The following GABPB1 variants were observed in gnomAD, a reference collection of about 807,000 sequenced individuals.
GABPB1 encodes the protein GA binding protein transcription factor subunit beta 1.
In GABPB1, 15 loss-of-function variants were observed where a neutral mutation model predicts 45.9. That is an observed-to-expected ratio of 0.33 (90% CI 0.22 to 0.50). The LOEUF (loss-of-function observed/expected upper bound fraction) is 0.50. Among genes scored for constraint, GABPB1 ranks in the 20% least tolerant of loss-of-function variants. The pLI is 0.98. For synonymous variants in GABPB1, 143 were observed against 154.4 expected (o/e 0.93, Z 0.55); for missense variants, 252 against 457.5 (o/e 0.55, Z 4.10).
chr15:50,296,905 C>CTTTT (rs72486745), intron 6 of GABPB1, among the ~76,000 whole-genome samples: 22 of 91,376 alleles, frequency 2.4e-4, no homozygotes, highest in African/African-American at 3.4e-4. Context: ...TAACTTAATT[C>CTTTT]TTTTTTTTTT....
At chr15:50,285,890 C>T in intron 8 of GABPB1, 178 bp downstream of exon 8, 1 of 1,360,636 alleles carries the variant, frequency 7.3e-7, no homozygotes, top group Non-Finnish European at 9.4e-7. Context: ...TTCATTCATT[C>T]AATATTTATT....
At chr15:50,337,310 C>A (rs976513657) in intron 1 of GABPB1, among the ~76,000 whole-genome samples, 1 of 151,172 alleles carries the variant, frequency 6.6e-6, no homozygotes, top group African/African-American at 2.4e-5. Context: ...ATAAACAAGA[C>A]CACCTCCAAC....
chr15:50,328,220 C>T (rs1433115849), intron 1 of GABPB1, among the ~76,000 whole-genome samples: 1 of 151,542 alleles, frequency 6.6e-6, no homozygotes, highest in African/African-American at 2.4e-5. Flanking sequence ...GGTCATCTTG[C>T]TTCATCCTAT....
chr15:50,323,602 T>C (rs193187899), intron 1 of GABPB1, among the ~76,000 whole-genome samples: 4 of 152,268 alleles, frequency 2.6e-5, no homozygotes, highest in Admixed American at 2.6e-4. Context: ...CCAGGCACAG[T>C]TGCTTCCAGT....
chr15:50,353,055 C>A (rs1423576749), intron 1 of GABPB1: 2 of 152,178 alleles, frequency 1.3e-5, no homozygotes, highest in Admixed American at 6.5e-5. Flanking sequence ...CATGTTCTAT[C>A]TTTAAAGATA....
intron 3 of GABPB1, 100 bp downstream of exon 3, chr15:50,303,866 G>A: frequency 5.8e-6 from 5 of 865,710 alleles, no homozygotes; most frequent in Non-Finnish European, 8.8e-6. Context: ...AAATACTATA[G>A]ATAAAATACT....
At chr15:50,331,542 C>T (rs991207744) in intron 1 of GABPB1, among the ~76,000 whole-genome samples, 2 of 152,162 alleles carry the variant, frequency 1.3e-5, no homozygotes, top group South Asian at 4.1e-4. Context: ...TGGGCTGGAT[C>T]ACATAGAACC....
At chr15:50,322,121 T>C (rs996647186) in intron 1 of GABPB1, among the ~76,000 whole-genome samples, 19 of 152,200 alleles carry the variant, frequency 1.2e-4, no homozygotes, top group Non-Finnish European at 1.6e-4. Context: ...TAGAAAAATC[T>C]AGGCAGGAAG....
chr15:50,353,778 G>A (rs1001367221), intron 1 of GABPB1: 1 of 152,340 alleles, frequency 6.6e-6, no homozygotes, highest in African/African-American at 2.4e-5. Context: ...ATAAATGAGA[G>A]TGGATCTTTT....
intron 1 of GABPB1, among the ~76,000 whole-genome samples, chr15:50,340,771 T>A (rs969362769): frequency 6.6e-6 from 1 of 152,112 alleles, no homozygotes; most frequent in Admixed American, 6.5e-5. Context: ...ATGTTTCCTC[T>A]TCCGAAACTG....
At chr15:50,325,526 C>CTT in intron 1 of GABPB1, among the ~76,000 whole-genome samples, 1 of 148,908 alleles carries the variant, frequency 6.7e-6, no homozygotes, top group East Asian at 2.0e-4. Flanking sequence ...ACTGGTCAAA[C>CTT]TTTTTTTTTT....
At chr15:50,302,814 T>C (rs2046805584) in intron 4 of GABPB1, 115 bp downstream of exon 4, 6 of 701,274 alleles carry the variant, frequency 8.6e-6, no homozygotes, top group South Asian at 4.0e-5. Context: ...CCAAAATAAC[T>C]AAGTCCAAAA....
chr15:50,348,494 G>A (rs1006812806), intron 1 of GABPB1, among the ~76,000 whole-genome samples: 7 of 151,256 alleles, frequency 4.6e-5, no homozygotes, highest in East Asian at 2.0e-4. Flanking sequence ...CAAGTGATCC[G>A]CCCGCCTCGG....
intron 1 of GABPB1, chr15:50,352,886 G>T (rs908339301): frequency 2.0e-5 from 3 of 152,068 alleles, no homozygotes; most frequent in East Asian, 1.9e-4. Flanking sequence ...AAGTATAATT[G>T]TCTCCCAATA....
chr15:50,281,624 TATAA>T (rs954413984), intron 8 of GABPB1, among the ~76,000 whole-genome samples: 2 of 152,238 alleles, frequency 1.3e-5, no homozygotes, highest in African/African-American at 2.4e-5. Flanking sequence ...ATTTTGTTTT[TATAA>T]ATAAAGTTTT....
intron 6 of GABPB1, among the ~76,000 whole-genome samples, chr15:50,297,560 A>G (rs1433823531): frequency 1.3e-5 from 2 of 151,980 alleles, no homozygotes; most frequent in East Asian, 3.9e-4. Flanking sequence ...AGATTCCACT[A>G]TGGGCCGGGT....
intron 1 of GABPB1, among the ~76,000 whole-genome samples, chr15:50,347,869 A>G (rs149310265): frequency 2.6e-5 from 4 of 152,210 alleles, no homozygotes; most frequent in African/African-American, 9.6e-5. Context: ...CAGCCTAGCC[A>G]ACATGGCTAA....
At chr15:50,349,953 A>C (rs1331772987) in intron 1 of GABPB1, 1 of 152,174 alleles carries the variant, frequency 6.6e-6, no homozygotes, top group Non-Finnish European at 1.5e-5. Flanking sequence ...TCCAGACATA[A>C]TATATTTTTG....
chr15:50,296,794 GC>G (rs1481845493), intron 6 of GABPB1, among the ~76,000 whole-genome samples: 4 of 152,050 alleles, frequency 2.6e-5, no homozygotes, highest in African/African-American at 9.7e-5. Context: ...AAACTGGACA[GC>G]CAGAAATCAG....
Sources: allele counts gnomAD v4.1 joint callset (sites outside exome capture counted in the v4.1 genomes callset), GRCh38; gene constraint gnomAD v4.1.1; transcripts MANE v1.5; gene names NCBI Gene and HGNC (gene_info 2026-07-23, HGNC 2026-07-21).